The following NINJ1 variants were observed in gnomAD, a reference collection of about 807,000 sequenced individuals.
The protein encoded by NINJ1 is ninjurin-1.
A neutral mutation model predicts 12.7 loss-of-function variants in NINJ1; 6 were observed. The observed-to-expected ratio is 0.47, with a 90% CI of 0.26 to 0.93. NINJ1 has a LOEUF of 0.93. NINJ1 is among the 40% of genes least tolerant of loss of function. The probability of loss-of-function intolerance (pLI) is 0.15; values close to 1 mark genes in which losing one functional copy is unlikely to be tolerated. For missense variants in NINJ1, 170 were observed against 213.0 expected, an observed-to-expected ratio of 0.80 and a Z score of 1.26; for synonymous variants, 100 against 96.0, an observed-to-expected ratio of 1.04 and a Z score of -0.25.
rs1827744993 is a variant in NINJ1 at position 93,122,089 on chromosome 9, G to T, written c.*151C>A. On this transcript the variant is annotated 3_prime_UTR_variant, in exon 4 of 4. Transcript: ENST00000375446. ...CTTGGCCGCAGTCAGAGCAAGGGCT[G>T]GTCCGGGGACATGGTGCAGATGAGG... is the stretch of plus-strand genomic sequence containing the variant. 1 of 152,540 alleles carries T rather than the reference G, an allele frequency of 6.6e-6. No homozygotes were observed. The highest frequency in any genetic ancestry group is 1.5e-5 in the Non-Finnish European group (1 of 68,264). 9.4% of individuals were successfully genotyped at this position (152,540 alleles called of 1,614,324 possible).
At chr9:93,124,878 G>C in intron 3 of NINJ1, 21 bp downstream of exon 3, 1 of 1,585,664 alleles carries the variant, frequency 6.3e-7, no homozygotes, top group Middle Eastern at 1.7e-4. Flanking sequence ...TGCAGGCCTC[G>C]CGCCCCATCT....
intron 3 of NINJ1, among the ~76,000 whole-genome samples, chr9:93,123,521 T>C (rs1487638791): frequency 6.6e-6 from 1 of 152,194 alleles, no homozygotes; most frequent in East Asian, 1.9e-4. Flanking sequence ...CGACCTCAGG[T>C]GATCCGCTTG....
At chr9:93,132,664 A>G (rs1253618569) in intron 1 of NINJ1, among the ~76,000 whole-genome samples, 2 of 152,044 alleles carry the variant, frequency 1.3e-5, no homozygotes, top group Admixed American at 1.3e-4. Flanking sequence ...CTGCTCTCCA[A>G]CCGCGGCTTG....
intron 2 of NINJ1, 57 bp from the exon 3 acceptor site, chr9:93,125,119 C>T: frequency 6.5e-7 from 1 of 1,541,204 alleles, no homozygotes; most frequent in South Asian, 1.2e-5. Flanking sequence ...AGCGCCCCAG[C>T]CTGGGACAGT....
chr9:93,127,849 G>T (rs955670821), intron 1 of NINJ1, among the ~76,000 whole-genome samples: 1 of 152,266 alleles, frequency 6.6e-6, no homozygotes, highest in Non-Finnish European at 1.5e-5. Flanking sequence ...CAGGCCGGGA[G>T]GCCGGGGTGC....
rs139449724 is a variant in NINJ1, at chr9:93,123,180, CGTT to C, written c.*10-953_*10-951del. Among the ~76,000 whole-genome samples, 1,387 of 152,290 alleles carry C rather than the reference CGTT, an allele frequency of 9.1e-3. 22 individuals are homozygous for C. The highest frequency in any genetic ancestry group is 0.031 in the African/African-American group (1,288 of 41,568). On this transcript the variant is annotated intron_variant, in intron 3 of 3. Coordinates refer to ENST00000375446, the MANE Select transcript of NINJ1 (RefSeq NM_004148.4). ...TGGGCCACTACGAGCAGCGGTCACT[CGTT>C]GGCCCCCGTGTGGGGAGGGGTGAGG... is the stretch of plus-strand genomic sequence containing the variant.
chr9:93,122,450 G>A (rs1029560038), intron 3 of NINJ1, among the ~76,000 whole-genome samples: 1 of 105,888 alleles, frequency 9.4e-6, no homozygotes, highest in African/African-American at 3.5e-5. Context: ...AGCCTGGAAG[G>A]AGGGAGAGGA....
chr9:93,126,708 T>C, intron 1 of NINJ1, 70 bp from the exon 2 acceptor site: 1 of 1,286,604 alleles, frequency 7.8e-7, no homozygotes, highest in East Asian at 2.4e-5. Context: ...AGTCGGGCTC[T>C]GGGGGTCACC....
At chr9:93,128,626 A>C in intron 1 of NINJ1, among the ~76,000 whole-genome samples, 1 of 152,244 alleles carries the variant, frequency 6.6e-6, no homozygotes, top group East Asian at 1.9e-4. Context: ...CACAGTGGGC[A>C]TGTGCTCCTA....
At chr9:93,129,630 C>T (rs1827862373) in intron 1 of NINJ1, among the ~76,000 whole-genome samples, 1 of 152,198 alleles carries the variant, frequency 6.6e-6, no homozygotes, top group Non-Finnish European at 1.5e-5. Flanking sequence ...ACCTGGGAAA[C>T]TCCTGCTTAC....
intron 3 of NINJ1, 93 bp downstream of exon 3, chr9:93,124,806 A>G: frequency 7.2e-7 from 1 of 1,390,096 alleles, no homozygotes. Flanking sequence ...AAGGTGTCCA[A>G]GGCTGGCCGG....
At chr9:93,130,835 T>C (rs1055863150) in intron 1 of NINJ1, among the ~76,000 whole-genome samples, 1 of 152,098 alleles carries the variant, frequency 6.6e-6, no homozygotes, top group Admixed American at 6.5e-5. Context: ...GGGGCACAGG[T>C]TCTCCTGTGC....
At chr9:93,133,924 C>A (rs1827936001) in intron 1 of NINJ1, among the ~76,000 whole-genome samples, 1 of 152,200 alleles carries the variant, frequency 6.6e-6, no homozygotes, top group South Asian at 2.1e-4. Flanking sequence ...GCCCGCCCTG[C>A]GCCCCCACGC....
chr9:93,126,676 A>AG (rs761838237), intron 1 of NINJ1, 38 bp from the exon 2 acceptor site: 2 of 965,082 alleles, frequency 2.1e-6, no homozygotes, highest in Admixed American at 2.1e-5. Context: ...CGGGTGGGGG[A>AG]GGGGGGCAAG....
In NINJ1 at chr9:93,134,186, T is replaced by C. The variant is rs749825557; in HGVS notation, c.32A>G (p.Asn11Ser). Residue 11 changes from asparagine (N) to serine (S), a missense_variant, in exon 1 of 4, where the codon AAC becomes AGC. Transcript: ENST00000375446. ...GGGTGTGCCCGGAGGCAGGCCGCCGTTGAGCTCGTACTCCTCGGTTCCCGA... is the reference window on the plus strand; with the variant it reads ...GGGTGTGCCCGGAGGCAGGCCGCCGCTGAGCTCGTACTCCTCGGTTCCCGA... MDSGTEEYEL[N>S]GGLPPGTPGS... The C allele has an allele frequency of 1.9e-6, 3 of 1,547,098 alleles. No homozygotes were observed. Among genetic ancestry groups the C allele is most frequent in the Non-Finnish European group, 1.7e-6 (2 of 1,145,806 alleles).
intron 1 of NINJ1, among the ~76,000 whole-genome samples, chr9:93,131,786 G>A (rs542875938): frequency 3.3e-5 from 5 of 152,356 alleles, no homozygotes; most frequent in African/African-American, 4.8e-5. Context: ...AGACCTGAGA[G>A]CTTCCCACGG....
At chr9:93,130,296 C>T (rs1419672599) in intron 1 of NINJ1, among the ~76,000 whole-genome samples, 2 of 152,262 alleles carry the variant, frequency 1.3e-5, no homozygotes, top group South Asian at 2.1e-4. Context: ...CTGGGCCACA[C>T]GGTCGGTCCT....
rs564578402 is a variant in NINJ1 at position 93,122,451 on chromosome 9, A to G, written c.*10-221T>C. Among the ~76,000 whole-genome samples, 187 of 93,826 alleles carry G rather than the reference A, an allele frequency of 2.0e-3. 4 individuals are homozygous for G. Among genetic ancestry groups the G allele is most frequent in the Non-Finnish European group, 3.2e-3 (140 of 44,232 alleles). The allele number at this position is 93,826 out of a possible 152,430, so 61.6% of individuals were successfully genotyped here. On this transcript the variant is annotated intron_variant, in intron 3 of 3. Coordinates refer to ENST00000375446, the MANE Select transcript of NINJ1 (RefSeq NM_004148.4). ...GAGGAGAGGCTCTGAGCCTGGAAGG[A>G]GGGAGAGGAGAGGCTCTGAGCCTGG...
chr9:93,134,081 C>A (rs1587667840), intron 1 of NINJ1, 62 bp downstream of exon 1: 1 of 1,335,050 alleles, frequency 7.5e-7, no homozygotes, highest in Non-Finnish European at 1.0e-6. Flanking sequence ...GCCCGGGGAG[C>A]CGCGGCGCCC....
Sources: gnomAD v4.1 joint callset for allele counts (sites outside exome capture counted in the v4.1 genomes callset) on GRCh38, gnomAD v4.1.1 for gene constraint, MANE v1.5 for transcripts, NCBI Gene and HGNC (gene_info 2026-07-23, HGNC 2026-07-21) for gene names.